Variants in DYNC1LI1 observed in about 807,000 individuals in gnomAD.
DYNC1LI1 encodes dynein cytoplasmic 1 light intermediate chain 1.
In DYNC1LI1, 19 loss-of-function variants were observed where a neutral mutation model predicts 63.8. That is an observed-to-expected ratio of 0.30 (90% CI 0.21 to 0.44). The LOEUF (loss-of-function observed/expected upper bound fraction) is 0.44. Among genes scored for constraint, DYNC1LI1 ranks in the 20% least tolerant of loss-of-function variants. The pLI, the probability that DYNC1LI1 is intolerant of heterozygous loss-of-function variation, is 1.00. For synonymous variants in DYNC1LI1, 225 were observed against 232.3 expected, an observed-to-expected ratio of 0.97 and a Z score of 0.28; for missense variants, 565 against 630.2, an observed-to-expected ratio of 0.90 and a Z score of 1.11.
In DYNC1LI1 at chr3:32,529,666, T is replaced by C; in HGVS notation, c.1186-6A>G. ...GGGACTCTTGGTGAGGCATCCTATG[T>C]AAAAATAGGAAAATACAATTATAAA... On this transcript the variant is annotated splice_region_variant and splice_polypyrimidine_tract_variant and intron_variant, in intron 10 of 12. Coordinates refer to ENST00000273130, the MANE Select transcript of DYNC1LI1 (RefSeq NM_016141.4). The C allele has an allele frequency of 6.3e-7, 1 of 1,579,432 alleles. No individual in the cohort carries two copies. The highest frequency in any genetic ancestry group is 8.6e-7 in the Non-Finnish European group (1 of 1,165,944).
At chr3:32,567,370 T>C (rs1030806122) in intron 2 of DYNC1LI1, among the ~76,000 whole-genome samples, 2 of 152,100 alleles carry the variant, frequency 1.3e-5, no homozygotes, top group African/African-American at 4.8e-5. Context: ...ACATGACCCT[T>C]TACTCCCATC....
intron 2 of DYNC1LI1, among the ~76,000 whole-genome samples, chr3:32,550,490 A>G (rs1332278542): frequency 6.6e-6 from 1 of 152,200 alleles, no homozygotes; most frequent in Non-Finnish European, 1.5e-5. Context: ...CACTATTTTA[A>G]TTTCTTGCAG....
At chr3:32,537,818 T>C (rs894256789) in intron 5 of DYNC1LI1, among the ~76,000 whole-genome samples, 3 of 133,600 alleles carry the variant, frequency 2.2e-5, no homozygotes, top group African/African-American at 8.4e-5. Context: ...TTAATAATGG[T>C]CATTACACCT....
chr3:32,564,658 TAATA>T (rs1698236084), intron 2 of DYNC1LI1, among the ~76,000 whole-genome samples: 1 of 152,228 alleles, frequency 6.6e-6, no homozygotes, highest in Admixed American at 6.5e-5. Context: ...AATAAACATG[TAATA>T]AATAATTTCA....
intron 2 of DYNC1LI1, among the ~76,000 whole-genome samples, chr3:32,568,065 T>C (rs1157971157): frequency 1.3e-5 from 2 of 152,138 alleles, no homozygotes; most frequent in Non-Finnish European, 2.9e-5. Context: ...CTCCAACTCC[T>C]GAGCTCAAAC....
intron 2 of DYNC1LI1, among the ~76,000 whole-genome samples, chr3:32,552,018 T>C (rs574253150): frequency 3.3e-5 from 5 of 152,212 alleles, no homozygotes; most frequent in African/African-American, 1.2e-4. Context: ...GGATGTCCCA[T>C]GAATACCTCA....
intron 2 of DYNC1LI1, chr3:32,566,735 T>A (rs936816835): frequency 2.3e-6 from 1 of 436,484 alleles, no homozygotes; most frequent in African/African-American, 2.0e-5. Context: ...TGAAACTCCA[T>A]CTCAAAAACA....
intron 2 of DYNC1LI1, among the ~76,000 whole-genome samples, chr3:32,555,931 T>C (rs781562375): frequency 1.3e-5 from 2 of 152,224 alleles, no homozygotes; most frequent in African/African-American, 2.4e-5. Context: ...TTTCTGTATG[T>C]TTGGAATTTT....
intron 8 of DYNC1LI1, chr3:32,530,868 T>C (rs1697686868): frequency 4.6e-6 from 1 of 215,614 alleles, no homozygotes; most frequent in African/African-American, 2.3e-5. Context: ...GGCTACCGTA[T>C]TGAACAGCAC....
At chr3:32,529,718 G>T in intron 10 of DYNC1LI1, 58 bp from the exon 11 acceptor site, 1 of 1,440,090 alleles carries the variant, frequency 6.9e-7, no homozygotes, top group South Asian at 1.3e-5. Context: ...TTTCACAAAA[G>T]TTATTATTGT....
At chr3:32,552,170 G>T (rs532584452) in intron 2 of DYNC1LI1, among the ~76,000 whole-genome samples, 11 of 152,170 alleles carry the variant, frequency 7.2e-5, no homozygotes, top group Admixed American at 7.2e-4. Context: ...TCAGATATCT[G>T]CATGTTGCCT....
At chr3:32,554,064 G>T (rs1391299781) in intron 2 of DYNC1LI1, among the ~76,000 whole-genome samples, 1 of 152,146 alleles carries the variant, frequency 6.6e-6, no homozygotes, top group Non-Finnish European at 1.5e-5. Context: ...TTTGTATTAT[G>T]ACTCTCTGAA....
intron 2 of DYNC1LI1, among the ~76,000 whole-genome samples, chr3:32,561,856 G>GA (rs530915955): frequency 7.2e-4 from 105 of 144,928 alleles, no homozygotes; most frequent in Middle Eastern, 7.2e-3. Context: ...CTATTAACAT[G>GA]AAAAAAAAAA....
intron 8 of DYNC1LI1, chr3:32,532,367 G>A (rs1037570712): frequency 2.0e-5 from 3 of 151,522 alleles, no homozygotes; most frequent in Admixed American, 6.6e-5. Context: ...TCGGGAGGCT[G>A]AGGCGACAGA....
intron 5 of DYNC1LI1, among the ~76,000 whole-genome samples, chr3:32,538,033 T>C: frequency 9.9e-5 from 1 of 10,074 alleles, no homozygotes; most frequent in Non-Finnish European, 1.3e-4. Context: ...TTTATATATA[T>C]AATATATATA....
rs146124105 is a variant in DYNC1LI1, at chr3:32,541,160, C to T, written c.615G>A (p.Pro205=). The T allele has an allele frequency of 2.2e-5, 36 of 1,612,374 alleles. No individual in the cohort carries two copies. Among genetic ancestry groups the T allele is most frequent in the Admixed American group, 5.0e-5 (3 of 59,820 alleles). ...CAGTATTTCTTCTCTGGGGAGAAGC[C>T]GGGAAGTCTTCTCCTGGCTCTACAT... ...QEYVEPGEDF[P]ASPQRRNTAS... The change falls in exon 5 of 13, where the codon CCG becomes CCA. Residue 205 remains proline (P), a synonymous_variant. Coordinates refer to ENST00000273130, the MANE Select transcript of DYNC1LI1 (RefSeq NM_016141.4).
rs577002436 is a variant in DYNC1LI1, at chr3:32,563,990, T to C, written c.220+6356A>G. On this transcript the variant is annotated intron_variant, in intron 2 of 12. Coordinates refer to ENST00000273130, the MANE Select transcript of DYNC1LI1 (RefSeq NM_016141.4). ...ATTAACTGGCATTTGTGCTTACTGA[T>C]AAAACTGACGCCAATAATCCCCTAA... Among the ~76,000 whole-genome samples, 112 of 152,330 alleles carry C rather than the reference T, an allele frequency of 7.4e-4. 1 individual carries two copies. In the Middle Eastern group the frequency reaches 0.01, roughly 14 times the overall value.
At chr3:32,527,486 A>G (rs1183989756) in intron 12 of DYNC1LI1, among the ~76,000 whole-genome samples, 1 of 152,128 alleles carries the variant, frequency 6.6e-6, no homozygotes, top group Non-Finnish European at 1.5e-5. Flanking sequence ...AGAGAAGATG[A>G]ATGAGTGGTA....
At chr3:32,557,366 A>C (rs1698128670) in intron 2 of DYNC1LI1, among the ~76,000 whole-genome samples, 1 of 151,778 alleles carries the variant, frequency 6.6e-6, no homozygotes, top group Non-Finnish European at 1.5e-5. Context: ...AAATACAAAA[A>C]AAAAATTAGC....
Sources: gnomAD v4.1 joint callset for allele counts (sites outside exome capture counted in the v4.1 genomes callset) on GRCh38, gnomAD v4.1.1 for gene constraint, MANE v1.5 for transcripts, NCBI Gene and HGNC (gene_info 2026-07-23, HGNC 2026-07-21) for gene names.